IPO11: variants seen among roughly 807,000 people sequenced by gnomAD.
The protein encoded by IPO11 is importin-11.
IPO11 carries 66 observed loss-of-function variants against 143.2 expected under a neutral mutation model. The ratio of observed to expected loss-of-function variants is 0.46; its 90% CI spans 0.38 to 0.57. The LOEUF is 0.57. Ranked by LOEUF, IPO11 falls within the 20% of genes least tolerant of loss-of-function variation. The pLI is 0.00. For missense variants in IPO11, 1,026 were observed against 1,141.0 expected, an observed-to-expected ratio of 0.90 and a Z score of 1.45; for synonymous variants, 385 against 377.8, an observed-to-expected ratio of 1.02 and a Z score of -0.22.
At chr5:62,532,290 T>C (rs1742575334) in intron 22 of IPO11, among the ~76,000 whole-genome samples, 2 of 152,196 alleles carry the variant, frequency 1.3e-5, no homozygotes, top group Admixed American at 1.3e-4. Flanking sequence ...TATGACACTA[T>C]TTTTAGTGTA....
intron 27 of IPO11, chr5:62,580,029 A>AC: frequency 1.3e-6 from 2 of 1,551,290 alleles, no homozygotes; most frequent in Non-Finnish European, 1.7e-6. Flanking sequence ...GGATATCAGA[A>AC]TCAGGCTTTC....
rs768992114 is a variant in IPO11 at position 62,483,978 on chromosome 5, A to G, written c.1022-32A>G. Reference sequence around the variant, plus strand: ...TCCAATGTAGCTACAATGTTTGGCTATACAATTAACTTGGAAATTTCATTT... The same window carrying G: ...TCCAATGTAGCTACAATGTTTGGCTGTACAATTAACTTGGAAATTTCATTT... On this transcript the variant is annotated intron_variant, in intron 10 of 29. Transcript: ENST00000325324. The G allele has an allele frequency of 2.5e-6, 4 of 1,571,216 alleles. No homozygotes were observed. In the East Asian group the frequency reaches 6.9e-5, roughly 27 times the overall value.
intron 16 of IPO11, among the ~76,000 whole-genome samples, chr5:62,502,223 A>G (rs912057032): frequency 3.3e-5 from 5 of 152,114 alleles, no homozygotes; most frequent in African/African-American, 9.7e-5. Flanking sequence ...ATTGCCTGTT[A>G]TCTTTTCCTG....
intron 24 of IPO11, among the ~76,000 whole-genome samples, chr5:62,542,068 A>AT (rs1166095611): frequency 3.6e-4 from 55 of 151,244 alleles, no homozygotes; most frequent in Admixed American, 2.4e-3. Flanking sequence ...ATTTCTTTTT[A>AT]TTTTTTTTAT....
intron 29 of IPO11, among the ~76,000 whole-genome samples, chr5:62,621,937 A>G (rs1746394938): frequency 6.6e-6 from 1 of 152,084 alleles, no homozygotes; most frequent in Non-Finnish European, 1.5e-5. Flanking sequence ...AACTCCCTCA[A>G]AATTGCCTCA....
Position 62,416,780 on chromosome 5 carries a change from A to G in IPO11, c.-7+3851A>G, listed in dbSNP as rs539390686. 6.1e-5 allele frequency among the ~76,000 whole-genome samples: 9 copies of G among 147,288 alleles called. No individual in the cohort carries two copies. In the East Asian group the frequency reaches 1.4e-3, roughly 23 times the overall value. On this transcript the variant is annotated intron_variant, in intron 1 of 29. Transcript: ENST00000325324. The stretch of plus-strand genomic sequence containing the variant: ...CACTCTGTTTCTCAGGCTTGAGTGC[A>G]GTGGTGCTATCTTGGCTCACTGCAA...
chr5:62,503,579 A>T (rs1160028516), intron 16 of IPO11, among the ~76,000 whole-genome samples: 2 of 152,088 alleles, frequency 1.3e-5, no homozygotes, highest in Non-Finnish European at 2.9e-5. Flanking sequence ...TTGATGCAGT[A>T]CCTGACCATA....
intron 29 of IPO11, among the ~76,000 whole-genome samples, chr5:62,613,555 A>C (rs1408311391): frequency 6.6e-6 from 1 of 152,090 alleles, no homozygotes; most frequent in South Asian, 2.1e-4. Flanking sequence ...GGCCCGCCTC[A>C]GCCTCCCAAA....
rs1019010653 is a variant in IPO11, at chr5:62,627,451, A to G, written c.*133A>G. 5 of 786,856 alleles carry G rather than the reference A, an allele frequency of 6.4e-6. No homozygotes were observed. In the South Asian group the frequency reaches 7.0e-5, roughly 11 times the overall value. 48.7% of individuals were successfully genotyped at this position (786,856 alleles called of 1,614,324 possible). On this transcript the variant is annotated 3_prime_UTR_variant, in exon 30 of 30. Transcript: ENST00000325324. ...AAGCAAAGACCACACATTTTTTACTACAAAATGTAAAGGATAAATGTAAAT... is the reference window on the plus strand; with the variant it reads ...AAGCAAAGACCACACATTTTTTACTGCAAAATGTAAAGGATAAATGTAAAT...
chr5:62,522,750 C>A (rs1742245552), intron 20 of IPO11, among the ~76,000 whole-genome samples: 2 of 152,124 alleles, frequency 1.3e-5, no homozygotes, highest in South Asian at 4.1e-4. Flanking sequence ...TCTTGATTAC[C>A]TGGTATCTCC....
intron 11 of IPO11, 72 bp from the exon 12 acceptor site, chr5:62,485,347 T>G: frequency 8.6e-7 from 1 of 1,167,328 alleles, no homozygotes; most frequent in South Asian, 1.3e-5. Flanking sequence ...AATATTATAC[T>G]GATGTTATTA....
chr5:62,493,990 C>A lies in IPO11; in HGVS notation c.1464-8C>A. The A allele has an allele frequency of 6.3e-7, 1 of 1,589,004 alleles. No individual in the cohort carries two copies. On this transcript the variant is annotated splice_polypyrimidine_tract_variant and splice_region_variant and intron_variant, in intron 15 of 29. Coordinates refer to ENST00000325324, the MANE Select transcript of IPO11 (RefSeq NM_016338.5). Reference sequence around the variant, plus strand: ...AACATTTTAATTTCATGATTTTTTCCTGTTTAGGTATAAGCCATTGCGACG... The same window carrying A: ...AACATTTTAATTTCATGATTTTTTCATGTTTAGGTATAAGCCATTGCGACG...
At chr5:62,440,609 G>A (rs902139505) in intron 2 of IPO11, among the ~76,000 whole-genome samples, 2 of 151,686 alleles carry the variant, frequency 1.3e-5, no homozygotes, top group African/African-American at 4.8e-5. Flanking sequence ...TGCCCACCTC[G>A]GCCTCCCAAA....
intron 29 of IPO11, among the ~76,000 whole-genome samples, chr5:62,614,931 A>G (rs1746074029): frequency 6.6e-6 from 1 of 152,100 alleles, no homozygotes; most frequent in Non-Finnish European, 1.5e-5. Context: ...TGGAGTGGGA[A>G]GATGATCTTT....
At chr5:62,418,497 A>C (rs868507842) in intron 1 of IPO11, among the ~76,000 whole-genome samples, 2 of 152,230 alleles carry the variant, frequency 1.3e-5, no homozygotes, top group Non-Finnish European at 2.9e-5. Flanking sequence ...CCAGTACAGT[A>C]AGCTATTAAC....
chr5:62,536,615 T>G, intron 22 of IPO11, 87 bp from the exon 23 acceptor site: 1 of 1,461,914 alleles, frequency 6.8e-7, no homozygotes, highest in Non-Finnish European at 9.1e-7. Flanking sequence ...GCAAATTAGT[T>G]TTAAATAACT....
intron 9 of IPO11, among the ~76,000 whole-genome samples, chr5:62,481,946 G>T (rs1190872834): frequency 6.6e-6 from 1 of 152,096 alleles, no homozygotes; most frequent in Non-Finnish European, 1.5e-5. Context: ...GTAAGCTATT[G>T]ATTATTGCCT....
At chr5:62,473,149 G>T (rs921650270) in intron 7 of IPO11, among the ~76,000 whole-genome samples, 4 of 152,288 alleles carry the variant, frequency 2.6e-5, no homozygotes, top group Non-Finnish European at 5.9e-5. Context: ...GGAAGATGAT[G>T]CAGTAGTGAA....
intron 2 of IPO11, among the ~76,000 whole-genome samples, chr5:62,439,572 C>T (rs1039134099): frequency 2.6e-5 from 4 of 151,078 alleles, no homozygotes; most frequent in South Asian, 2.1e-4. Flanking sequence ...CAGGCGTGAG[C>T]GACTGCGCCT....
Sources: gnomAD v4.1 joint callset for allele counts (sites outside exome capture counted in the v4.1 genomes callset) on GRCh38, gnomAD v4.1.1 for gene constraint, MANE v1.5 for transcripts, NCBI Gene and HGNC (gene_info 2026-07-23, HGNC 2026-07-21) for gene names.